Variants in CCR7 observed in about 807,000 individuals in gnomAD.
CCR7 encodes the protein C-C motif chemokine receptor 7.
Under a neutral mutation model 26.0 loss-of-function variants are expected in CCR7, and 11 were observed. That is an observed-to-expected ratio of 0.42 (90% CI 0.27 to 0.70). CCR7 has a LOEUF of 0.70. Among genes scored for constraint, CCR7 ranks in the 30% least tolerant of loss-of-function variants. The pLI is 0.23. For missense variants in CCR7, 360 were observed against 504.0 expected (o/e 0.71, Z 2.74); for synonymous variants, 189 against 202.1 (o/e 0.94, Z 0.55).
Position 40,554,932 on chromosome 17 carries a change from C to T in CCR7, c.947G>A (p.Cys316Tyr), listed in dbSNP as rs1271374255. Residue 316 changes from cysteine to tyrosine, a missense_variant, in exon 3 of 3, where the codon TGC becomes TAC. By Grantham distance (194) the Cys-to-Tyr change is radical (BLOSUM62 -2). Transcript: ENST00000246657. ...IAYDVTYSLA[C>Y]VRCCVNPFLY... ...GAAAGGGTTGACGCAGCAGCGGACG[C>T]AGGCCAGGCTGTAGGTGACGTCGTA... 1 of 1,614,198 alleles carries T rather than the reference C, an allele frequency of 6.2e-7. No individual in the cohort carries two copies. Among genetic ancestry groups the T allele is most frequent in the South Asian group, 1.1e-5 (1 of 91,088 alleles).
In CCR7 at chr17:40,565,390, G is replaced by T. The variant is rs796536181; in HGVS notation, c.10+10C>A. The T allele has an allele frequency of 5.6e-6, 9 of 1,611,812 alleles. No individual in the cohort carries two copies. In the African/African-American group the frequency reaches 6.7e-5, roughly 12 times the overall value. The stretch of plus-strand genomic sequence containing the variant: ...GTACTGTTCCTTCTCACATGAAGAG[G>T]CTCACTCACCCAGGTCCATGACGCT... On this transcript the variant is annotated intron_variant, in intron 1 of 2. Transcript: ENST00000246657.
chr17:40,558,403 G>C (rs1275910332), intron 2 of CCR7, among the ~76,000 whole-genome samples: 1 of 152,138 alleles, frequency 6.6e-6, no homozygotes, highest in Non-Finnish European at 1.5e-5. Context: ...CTGCCAGGGA[G>C]GCCGGATGGG....
intron 2 of CCR7, 81 bp downstream of exon 2, chr17:40,558,812 T>C (rs538358688): frequency 1.6e-6 from 2 of 1,244,270 alleles, no homozygotes; most frequent in South Asian, 1.2e-5. Flanking sequence ...TTCTAGCAAA[T>C]GCCCAGCTCC....
chr17:40,559,876 G>T (rs573303085), intron 1 of CCR7, among the ~76,000 whole-genome samples: 1 of 152,154 alleles, frequency 6.6e-6, no homozygotes, highest in East Asian at 1.9e-4. Flanking sequence ...GTTGCAGTGT[G>T]GGGGAAGGAC....
chr17:40,560,294 A>G (rs1326833509), intron 1 of CCR7, among the ~76,000 whole-genome samples: 2 of 152,144 alleles, frequency 1.3e-5, no homozygotes, highest in Non-Finnish European at 2.9e-5. Flanking sequence ...CCCACTGGAG[A>G]GTCAGTAACT....
chr17:40,558,558 C>T (rs551789256), intron 2 of CCR7, among the ~76,000 whole-genome samples: 1 of 152,296 alleles, frequency 6.6e-6, no homozygotes, highest in African/African-American at 2.4e-5. Context: ...AACCCAGTAA[C>T]ATTTTTTGCT....
intron 2 of CCR7, among the ~76,000 whole-genome samples, chr17:40,556,747 AC>A (rs1445033809): frequency 6.6e-6 from 1 of 152,118 alleles, no homozygotes; most frequent in Admixed American, 6.5e-5. Context: ...CAGGGGGCTT[AC>A]AAAAGACCTC....
Position 40,555,714 on chromosome 17 carries a change from G to T in CCR7, c.165C>A (p.Asn55Lys). ...TGATAGGGAGGAACCAGGCTTTAAA[G>T]TTCCGCACGTCCTTCTTGGAGCACA... Reference protein sequence around the residue: ...ESLCSKKDVRNFKAWFLPIMY... With the variant: ...ESLCSKKDVRKFKAWFLPIMY... Residue 55 changes from asparagine to lysine, a missense_variant, in exon 3 of 3, where the codon AAC (asparagine) becomes AAA (lysine). Coordinates refer to ENST00000246657, the MANE Select transcript of CCR7 (RefSeq NM_001838.4). This position sits in a 1 kb window ranked among gnomAD's most constrained non-coding sequence, Gnocchi z 5.6. 6.2e-7 allele frequency: 1 copy of T among 1,614,166 alleles called. No individual in the cohort carries two copies. The highest frequency in any genetic ancestry group is 8.5e-7 in the Non-Finnish European group (1 of 1,180,032).
intron 1 of CCR7, among the ~76,000 whole-genome samples, chr17:40,559,327 T>A: frequency 6.6e-6 from 1 of 152,158 alleles, no homozygotes; most frequent in East Asian, 1.9e-4. Flanking sequence ...CCACCTGATG[T>A]GGGATGAGGC....
rs1393502593 is a variant in CCR7 at position 40,555,177 on chromosome 17, G to T, written c.702C>A (p.Val234=). ...QVAQMVIGFL[V]PLLAMSFCYL... ...AACAGAAGCTCATGGCCAGCAGGGG[G>T]ACCAGAAAGCCGATCACCATCTGGG... The change falls in exon 3 of 3, where the codon GTC becomes GTA. Residue 234 remains valine, a synonymous_variant. Coordinates refer to ENST00000246657, the MANE Select transcript of CCR7 (RefSeq NM_001838.4). The surrounding 1 kb of genome is among the most constrained non-coding windows in gnomAD (Gnocchi z 5.6). 5 of 1,614,154 alleles carry T rather than the reference G, an allele frequency of 3.1e-6. No homozygotes were observed. Among genetic ancestry groups the T allele is most frequent in the East Asian group, 2.2e-5 (1 of 44,876 alleles).
In CCR7 at chr17:40,555,231, A is replaced by G. The variant is rs1179541875; in HGVS notation, c.648T>C (p.His216=). 1 of 1,614,132 alleles carries G rather than the reference A, an allele frequency of 6.2e-7. No homozygotes were observed. Among genetic ancestry groups the G allele is most frequent in the Non-Finnish European group, 8.5e-7 (1 of 1,180,014 alleles). ...CCTGGATGGTGATAAAGGCCTCCAC[A>G]TGCTCTGTGATGAGAGAGCATCGCA... is the stretch of plus-strand genomic sequence containing the variant. ...QAMRCSLITE[H]VEAFITIQVA... The change falls in exon 3 of 3, where the codon CAT becomes CAC. Residue 216 remains histidine, a synonymous_variant. Transcript: ENST00000246657. This position sits in a 1 kb window ranked among gnomAD's most constrained non-coding sequence, Gnocchi z 5.6.
At chr17:40,562,533 CT>C (rs370802275) in intron 1 of CCR7, among the ~76,000 whole-genome samples, 1 of 152,220 alleles carries the variant, frequency 6.6e-6, no homozygotes, top group African/African-American at 2.4e-5. Context: ...TTTGCTGCCT[CT>C]TTGCTGCCAC....
chr17:40,554,983 T>C lies in CCR7; in HGVS notation c.896A>G (p.Glu299Gly). 6.2e-7 allele frequency: 1 copy of C among 1,614,172 alleles called. No homozygotes were observed. Among genetic ancestry groups the C allele is most frequent in the Non-Finnish European group, 8.5e-7 (1 of 1,180,032 alleles). ...GGCGATGTTGAGTTGCTTACTGAGC[T>C]CACAGGTGCTACTGGTGATGTTGAA... ...ANFNITSSTC[E>G]LSKQLNIAYD... is the part of the protein sequence containing the mutation. Residue 299 changes from glutamate to glycine, a missense_variant, in exon 3 of 3, where the codon GAG becomes GGG. Glu to Gly is a moderately conservative substitution (Grantham distance 98). Coordinates refer to ENST00000246657, the MANE Select transcript of CCR7 (RefSeq NM_001838.4).
chr17:40,561,017 G>A (rs1334046851), intron 1 of CCR7: 1 of 152,336 alleles, frequency 6.6e-6, no homozygotes, highest in South Asian at 2.1e-4. Flanking sequence ...TCTAGAGGTC[G>A]AGTCTCGAGG....
In CCR7 at chr17:40,554,829, C is replaced by T; in HGVS notation, c.1050G>A (p.Glu350=). Reference sequence around the variant, plus strand: ...GACAGGAAGACCACTGCCGGAGCTGCTCCTGGCTGAGGCAGCCCAGGTCCT... The same window carrying T: ...GACAGGAAGACCACTGCCGGAGCTGTTCCTGGCTGAGGCAGCCCAGGTCCT... ...LFKDLGCLSQ[E]QLRQWSSCRH... Residue 350 remains glutamate (E), a synonymous_variant, in exon 3 of 3, where the codon GAG becomes GAA. Transcript: ENST00000246657. 2 of 1,614,230 alleles carry T rather than the reference C, an allele frequency of 1.2e-6. No individual in the cohort carries two copies. The highest frequency in any genetic ancestry group is 1.7e-6 in the Non-Finnish European group (2 of 1,180,046).
chr17:40,554,482 G>A lies in CCR7; in HGVS notation c.*260C>T, dbSNP rs1263540169. ...TCTGGACTTTCACTTTCAGTTTTTG[G>A]TTTAGGGGACAATAGCCTCTGTTTC... On this transcript the variant is annotated 3_prime_UTR_variant, in exon 3 of 3. Coordinates refer to ENST00000246657, the MANE Select transcript of CCR7 (RefSeq NM_001838.4). The A allele has an allele frequency of 8.2e-6, 4 of 486,822 alleles. No individual in the cohort carries two copies. The East Asian group carries it at 1.4e-4, about 17-fold the overall frequency. The allele number at this position is 486,822 out of a possible 1,614,324, so 30.2% of individuals were successfully genotyped here.
chr17:40,564,262 C>T (rs1567831886), intron 1 of CCR7, among the ~76,000 whole-genome samples: 1 of 152,226 alleles, frequency 6.6e-6, no homozygotes, highest in Non-Finnish European at 1.5e-5. Context: ...GCACCTGAAC[C>T]TGCCTTTCAG....
In CCR7 at chr17:40,555,126, G is replaced by C. The variant is rs761383402; in HGVS notation, c.753C>G (p.Leu251=). The C allele has an allele frequency of 5.0e-6, 8 of 1,614,084 alleles. No individual in the cohort carries two copies. The South Asian group carries it at 8.8e-5, about 18-fold the overall frequency. The part of the protein sequence containing the change: ...FCYLVIIRTL[L]QARNFERNKA... ...TGTTGCGCTCAAAGTTGCGTGCCTG[G>C]AGCAGGGTGCGGATGATGACAAGGT... The change falls in exon 3 of 3, where the codon CTC becomes CTG. Residue 251 remains leucine (L), a synonymous_variant. Transcript: ENST00000246657. The surrounding 1 kb of genome is among the most constrained non-coding windows in gnomAD (Gnocchi z 5.6).
At chr17:40,563,839 C>G (rs1027417109) in intron 1 of CCR7, among the ~76,000 whole-genome samples, 3 of 152,140 alleles carry the variant, frequency 2.0e-5, no homozygotes, top group African/African-American at 7.2e-5. Flanking sequence ...CTTCCCAACC[C>G]CCTGTTCAGT....
Sources: gnomAD v4.1 joint callset for allele counts (sites outside exome capture counted in the v4.1 genomes callset) on GRCh38, gnomAD v4.1.1 for gene constraint, Gnocchi (gnomAD v3.1) non-coding constraint, MANE v1.5 for transcripts, NCBI Gene and HGNC (gene_info 2026-07-23, HGNC 2026-07-21) for gene names.